The following RTL1 variants were observed in gnomAD, a reference collection of about 807,000 sequenced individuals.
RTL1 encodes the protein retrotransposon-like protein 1.
For missense variants in RTL1, 1,681 were observed against 1,767.5 expected (o/e 0.95, Z 0.88); for synonymous variants, 727 against 748.4 (o/e 0.97, Z 0.47).
intron 2 of RTL1, among the ~76,000 whole-genome samples, chr14:100,896,595 C>T (rs1566760267): frequency 7.1e-6 from 1 of 140,136 alleles, no homozygotes; most frequent in Non-Finnish European, 1.5e-5. Context: ...CAAGCAGGAG[C>T]TGGGGACAGA....
chr14:100,899,685 G>A (rs2038915562), intron 2 of RTL1, among the ~76,000 whole-genome samples: 2 of 142,618 alleles, frequency 1.4e-5, no homozygotes, highest in South Asian at 4.6e-4. Flanking sequence ...ATCCCCAAGT[G>A]TTTCTGTGCC....
At position 100,884,513 on chromosome 14, in the gene RTL1, G is replaced by A. The variant is rs1004111020; in HGVS notation, c.276C>T (p.Pro92=). Residue 92 remains proline, a synonymous_variant, in exon 4 of 4, where the codon CCC becomes CCT. Transcript: ENST00000649591. Reference sequence around the variant, plus strand: ...CCTCCAGGTCTTGGAGTAGGTCATTGGGTGGATCCTCTATTTCCTTACGTG... The same window carrying A: ...CCTCCAGGTCTTGGAGTAGGTCATTAGGTGGATCCTCTATTTCCTTACGTG... The part of the protein sequence containing the change: ...SGPRKEIEDP[P]NDLLQDLEES... 6.2e-7 allele frequency: 1 copy of A among 1,614,096 alleles called. No homozygotes were observed. The highest frequency in any genetic ancestry group is 8.5e-7 in the Non-Finnish European group (1 of 1,179,954).
chr14:100,890,454 G>A (rs1192930813), intron 3 of RTL1, among the ~76,000 whole-genome samples: 1 of 151,490 alleles, frequency 6.6e-6, no homozygotes, highest in Non-Finnish European at 1.5e-5. Context: ...TGGGGCGGGG[G>A]GCCGGGGTGG....
chr14:100,882,787 G>T lies in RTL1; in HGVS notation c.2002C>A (p.Leu668Met), dbSNP rs927259221. Reference protein sequence around the residue: ...HGAEWFTKLELRGTIVEESVN... With the variant: ...HGAEWFTKLEMRGTIVEESVN... ...CTTTCCTCCACAATGGTCCCACGCAGCTCCAGTTTTGTGAACCACTCGGCT... is the reference window on the plus strand; with the variant it reads ...CTTTCCTCCACAATGGTCCCACGCATCTCCAGTTTTGTGAACCACTCGGCT... The change falls in exon 4 of 4, where the codon CTG becomes ATG. Residue 668 changes from leucine (L) to methionine (M), a missense_variant. Physicochemically the swap from Leu to Met is conservative, Grantham distance 15. Transcript: ENST00000649591. The T allele has an allele frequency of 6.4e-7, 1 of 1,551,722 alleles. No homozygotes were observed. Among genetic ancestry groups the T allele is most frequent in the African/African-American group, 1.4e-5 (1 of 73,020 alleles).
At position 100,881,399 on chromosome 14, in the gene RTL1, C is replaced by T. The variant is rs1293972564; in HGVS notation, c.3390G>A (p.Ser1130=). Residue 1130 remains serine, a synonymous_variant, in exon 4 of 4, where the codon TCG becomes TCA. Transcript: ENST00000649591. The surrounding 1 kb of genome is among the most constrained non-coding windows in gnomAD (Gnocchi z 6.6). The stretch of plus-strand genomic sequence containing the variant: ...TGATGCTGCTGCCTGCGATGAGGGA[C>T]GAATCCAGGATGAGTCGTAGGGAGC... ...PQRSLRLILD[S]SLIAGSSITT... 11 of 1,550,662 alleles carry T rather than the reference C, an allele frequency of 7.1e-6. No individual in the cohort carries two copies. In the East Asian group the frequency reaches 7.3e-5, roughly 10 times the overall value.
chr14:100,901,318 C>G (rs2038939262), intron 2 of RTL1, among the ~76,000 whole-genome samples: 1 of 152,254 alleles, frequency 6.6e-6, no homozygotes, highest in Admixed American at 6.5e-5. Flanking sequence ...TGCGCGCACA[C>G]ACACATGCTG....
intron 2 of RTL1, among the ~76,000 whole-genome samples, chr14:100,895,584 G>A (rs7146798): frequency 0.055 from 8,352 of 152,156 alleles, 379 homozygotes; most frequent in South Asian, 0.13. Flanking sequence ...GGGGAGCAGG[G>A]TCGGGGTGGA....
Position 100,892,695 on chromosome 14 carries a change from A to G in RTL1, c.-87+749T>C, listed in dbSNP as rs561202387. Among the ~76,000 whole-genome samples the G allele has an allele frequency of 5.9e-5, 9 of 152,304 alleles. No homozygotes were observed. The East Asian group carries it at 7.7e-4, about 13-fold the overall frequency. ...ACAATGGTGCACAGACCCAGCATAC[A>G]GGACCTTCCCCGGGAGGGGCAGGCT... is the stretch of plus-strand genomic sequence containing the variant. On this transcript the variant is annotated intron_variant, in intron 3 of 3. Coordinates refer to ENST00000649591, the MANE Select transcript of RTL1 (RefSeq NM_001134888.3).
rs1272400106 is a variant in RTL1, at chr14:100,886,128, T to C, written c.-86-1254A>G. Among the ~76,000 whole-genome samples, 3 of 152,098 alleles carry C rather than the reference T, an allele frequency of 2.0e-5. No homozygotes were observed. In the East Asian group the frequency reaches 5.8e-4, roughly 29 times the overall value. On this transcript the variant is annotated intron_variant, in intron 3 of 3. Transcript: ENST00000649591. ...AGCAAATTAAGCTTTGATTATCTGA[T>C]AGATTAACTGTAAAGCTACTGCTCT...
At chr14:100,885,217 C>T (rs553041532) in intron 3 of RTL1, among the ~76,000 whole-genome samples, 3 of 152,226 alleles carry the variant, frequency 2.0e-5, no homozygotes, top group East Asian at 1.9e-4. Flanking sequence ...CTGCTCCATT[C>T]CCCCCTGGCA....
rs553146279 is a variant in RTL1 at position 100,880,389 on chromosome 14, G to A, written c.*323C>T. Among the ~76,000 whole-genome samples, 48 of 152,186 alleles carry A rather than the reference G, an allele frequency of 3.2e-4. No individual in the cohort carries two copies. In the South Asian group the frequency reaches 9.1e-3, roughly 29 times the overall value. Reference sequence around the variant, plus strand: ...TGTGCCTGCTTCTTCATCTGGCCACGCGTCATGGGGTCACTTCCTGCTCAC... The same window carrying A: ...TGTGCCTGCTTCTTCATCTGGCCACACGTCATGGGGTCACTTCCTGCTCAC... On this transcript the variant is annotated 3_prime_UTR_variant, in exon 4 of 4. Transcript: ENST00000649591.
In RTL1 at chr14:100,901,493, T is replaced by C. The variant is rs1216157030; in HGVS notation, c.-149+1798A>G. 2.6e-5 allele frequency among the ~76,000 whole-genome samples: 4 copies of C among 152,306 alleles called. No homozygotes were observed. The East Asian group carries it at 7.7e-4, about 29-fold the overall frequency. ...CCGACTCCCGTGTGGGCTGCATTCA[T>C]CAGCAGGCCGGCACCCCAGCCCTGT... On this transcript the variant is annotated intron_variant, in intron 2 of 3. Transcript: ENST00000649591.
At chr14:100,885,921 A>G (rs924125090) in intron 3 of RTL1, among the ~76,000 whole-genome samples, 18 of 152,278 alleles carry the variant, frequency 1.2e-4, no homozygotes, top group Non-Finnish European at 2.2e-4. Context: ...ACAGACATGT[A>G]TCTGGCAGAG....
At position 100,893,099 on chromosome 14, in the gene RTL1, C is replaced by A. The variant is rs2038804552; in HGVS notation, c.-87+345G>T. Among the ~76,000 whole-genome samples, 1 of 152,114 alleles carries A rather than the reference C, an allele frequency of 6.6e-6. No individual in the cohort carries two copies. The highest frequency in any genetic ancestry group is 1.5e-5 in the Non-Finnish European group (1 of 68,028). On this transcript the variant is annotated intron_variant, in intron 3 of 3. Coordinates refer to ENST00000649591, the MANE Select transcript of RTL1 (RefSeq NM_001134888.3). This position sits in a 1 kb window ranked among gnomAD's most constrained non-coding sequence, Gnocchi z 4.2. The stretch of plus-strand genomic sequence containing the variant: ...TCTTCATTCCATGGTGTTGATACTG[C>A]CAGCCTCGTGGCCTGAGGGGCATCC...
At position 100,879,882 on chromosome 14, in the gene RTL1, C is replaced by T. The variant is rs1019189098; in HGVS notation, c.*830G>A. On this transcript the variant is annotated 3_prime_UTR_variant, in exon 4 of 4. Transcript: ENST00000649591. ...GAGCCTCTCTGTGACTCGGCATGGT[C>T]CCCTGGGTGTCTGTGTGCCTTCTGG... Among the ~76,000 whole-genome samples the T allele has an allele frequency of 7.9e-5, 12 of 151,974 alleles. No homozygotes were observed. Among genetic ancestry groups the T allele is most frequent in the Non-Finnish European group, 1.6e-4 (11 of 67,966 alleles).
rs754283974 is a variant in RTL1, at chr14:100,882,325, A to C, written c.2464T>G (p.Phe822Val). 1 of 1,551,676 alleles carries C rather than the reference A, an allele frequency of 6.4e-7. No individual in the cohort carries two copies. The highest frequency in any genetic ancestry group is 1.2e-5 in the South Asian group (1 of 84,064). ...GCGATGATGCTGAAGCGCTCCACGAAGTGGCGGTAGGGGAAGACGAATTCG... is the reference window on the plus strand; with the variant it reads ...GCGATGATGCTGAAGCGCTCCACGACGTGGCGGTAGGGGAAGACGAATTCG... ...FIEFVFPYRH[F>V]VERFSIIAEP... is the part of the protein sequence containing the mutation. Residue 822 changes from phenylalanine to valine, a missense_variant, in exon 4 of 4, where the codon TTC (phenylalanine) becomes GTC (valine). Transcript: ENST00000649591.
chr14:100,897,112 G>A (rs953158870), intron 2 of RTL1, among the ~76,000 whole-genome samples: 10 of 152,280 alleles, frequency 6.6e-5, no homozygotes, highest in South Asian at 2.1e-4. Flanking sequence ...CAGGCTGCTC[G>A]GAGGCTTGGG....
chr14:100,888,492 T>C lies in RTL1; in HGVS notation c.-86-3618A>G, dbSNP rs116636620. ...CTTAAATCCAAAGTTATTAACATGA[T>C]ATAAAAATTTGATCATGTCATCCCT... On this transcript the variant is annotated intron_variant, in intron 3 of 3. Coordinates refer to ENST00000649591, the MANE Select transcript of RTL1 (RefSeq NM_001134888.3). 1.3e-3 allele frequency among the ~76,000 whole-genome samples: 204 copies of C among 152,352 alleles called. 1 individual carries two copies. Among genetic ancestry groups the C allele is most frequent in the African/African-American group, 4.7e-3 (197 of 41,590 alleles).
At position 100,884,389 on chromosome 14, in the gene RTL1, C is replaced by A; in HGVS notation, c.400G>T (p.Glu134Ter). ...ASVNPSGARE[E>*]QEAHTDLKES... is the part of the protein sequence containing the mutation. ...TTCAGGTCAGTGTGAGCCTCTTGTTCTTCTCGGGCTCCCGATGGGTTGACT... is the reference window on the plus strand; with the variant it reads ...TTCAGGTCAGTGTGAGCCTCTTGTTATTCTCGGGCTCCCGATGGGTTGACT... The change falls in exon 4 of 4, where the codon GAA (glutamate) becomes TAA (stop). Residue 134 changes from glutamate to a stop codon, truncating the protein, a stop_gained. Transcript: ENST00000649591. LOFTEE classifies it low-confidence loss of function (END_TRUNC). The A allele has an allele frequency of 6.3e-7, 1 of 1,588,652 alleles. No individual in the cohort carries two copies. The highest frequency in any genetic ancestry group is 8.6e-7 in the Non-Finnish European group (1 of 1,165,896).
Sources: gnomAD v4.1 joint callset for allele counts (sites outside exome capture counted in the v4.1 genomes callset) on GRCh38, gnomAD v4.1.1 for gene constraint, Gnocchi (gnomAD v3.1) non-coding constraint, MANE v1.5 for transcripts, NCBI Gene and HGNC (gene_info 2026-07-23, HGNC 2026-07-21) for gene names.